DAAM1: variants seen among roughly 807,000 people sequenced by gnomAD.
DAAM1 encodes the protein dishevelled associated activator of morphogenesis 1.
DAAM1 carries 52 observed loss-of-function variants against 130.0 expected under a neutral mutation model. The observed-to-expected ratio is 0.40, with a 90% confidence interval of 0.32 to 0.50. The LOEUF is 0.50. Ranked by LOEUF, DAAM1 falls within the 20% of genes least tolerant of loss-of-function variation. The pLI is 0.61. For synonymous variants in DAAM1, 452 were observed against 444.5 expected (o/e 1.02, Z -0.21); for missense variants, 1,134 against 1,303.8 (o/e 0.87, Z 2.01).
chr14:59,327,906 C>T (rs1885273940), intron 12 of DAAM1, among the ~76,000 whole-genome samples: 1 of 152,196 alleles, frequency 6.6e-6, no homozygotes, highest in Non-Finnish European at 1.5e-5. Context: ...TTATGTCCAT[C>T]AGTGTACCAG....
At chr14:59,324,479 G>C in intron 8 of DAAM1, 25 bp downstream of exon 8, 1 of 1,479,316 alleles carries the variant, frequency 6.8e-7, no homozygotes, top group Non-Finnish European at 9.1e-7. Flanking sequence ...TATGATGTGA[G>C]AAAGTTTCTG....
At chr14:59,338,975 G>C (rs1242936302) in intron 15 of DAAM1, among the ~76,000 whole-genome samples, 1 of 152,174 alleles carries the variant, frequency 6.6e-6, no homozygotes, top group African/African-American at 2.4e-5. Flanking sequence ...AATTTAAACA[G>C]TAGTACAGAC....
intron 1 of DAAM1, among the ~76,000 whole-genome samples, chr14:59,225,995 G>C (rs753088754): frequency 6.6e-6 from 1 of 152,100 alleles, no homozygotes; most frequent in Non-Finnish European, 1.5e-5. Flanking sequence ...GGGCAACTAA[G>C]AACAACTCTA....
intron 15 of DAAM1, among the ~76,000 whole-genome samples, chr14:59,334,519 CAG>C (rs901969875): frequency 6.6e-6 from 1 of 152,152 alleles, no homozygotes; most frequent in African/African-American, 2.4e-5. Context: ...ATACAATTCT[CAG>C]AGAGGCAAAG....
At chr14:59,309,655 A>C (rs768533139) in intron 3 of DAAM1, among the ~76,000 whole-genome samples, 1 of 152,218 alleles carries the variant, frequency 6.6e-6, no homozygotes, top group Non-Finnish European at 1.5e-5. Context: ...GCTACAACAG[A>C]CTGTGTGGTC....
chr14:59,360,704 A>G, intron 21 of DAAM1, 98 bp from the exon 22 acceptor site: 1 of 981,080 alleles, frequency 1.0e-6, no homozygotes, highest in South Asian at 2.1e-5. Flanking sequence ...TTTAAATTAA[A>G]ATAGGATGGA....
intron 1 of DAAM1, among the ~76,000 whole-genome samples, chr14:59,193,825 C>G (rs559623223): frequency 6.6e-6 from 1 of 152,322 alleles, no homozygotes; most frequent in African/African-American, 2.4e-5. Flanking sequence ...TCAGGTGCCA[C>G]AGCTTCCACG....
chr14:59,203,529 A>G (rs1888175047), intron 1 of DAAM1, among the ~76,000 whole-genome samples: 1 of 152,222 alleles, frequency 6.6e-6, no homozygotes, highest in Admixed American at 6.5e-5. Context: ...ATCTTCATGT[A>G]CATCTCATTT....
intron 2 of DAAM1, among the ~76,000 whole-genome samples, chr14:59,284,500 G>C (rs546525279): frequency 6.6e-6 from 1 of 152,236 alleles, no homozygotes; most frequent in African/African-American, 2.4e-5. Context: ...GTCAGATGTA[G>C]AATTTCAGAA....
In DAAM1 at chr14:59,355,173, T is replaced by C. The variant is rs1441080028; in HGVS notation, c.2365T>C (p.Ser789Pro). 1.9e-6 allele frequency: 3 copies of C among 1,608,082 alleles called. No individual in the cohort carries two copies. Among genetic ancestry groups the C allele is most frequent in the East Asian group, 2.2e-5 (1 of 44,818 alleles). ...TGTGTTTTGTTTTGAAGCAATTCGT[T>C]CTGGCTCAGAAGAGGTGTTTAGGAG... is the stretch of plus-strand genomic sequence containing the variant. ...EVKPKVEAIR[S>P]GSEEVFRSGA... The change falls in exon 20 of 25, where the codon TCT becomes CCT. Residue 789 changes from serine to proline, a missense_variant. Physicochemically the swap from Ser to Pro is moderately conservative, Grantham distance 74 (BLOSUM62 -1). Transcript: ENST00000360909.
chr14:59,285,015 C>T (rs11844419), intron 2 of DAAM1, among the ~76,000 whole-genome samples: 15,989 of 152,084 alleles, frequency 0.11, 890 homozygotes, highest in South Asian at 0.2. Flanking sequence ...TCATCAGATT[C>T]TCCAAGGTCA....
At chr14:59,280,030 A>G (rs939254743) in intron 2 of DAAM1, among the ~76,000 whole-genome samples, 2 of 152,174 alleles carry the variant, frequency 1.3e-5, no homozygotes, top group African/African-American at 2.4e-5. Context: ...CTAAAACTGC[A>G]TTGAGATCGT....
intron 1 of DAAM1, among the ~76,000 whole-genome samples, chr14:59,263,221 G>A (rs1882259640): frequency 6.6e-6 from 1 of 152,164 alleles, no homozygotes; most frequent in Non-Finnish European, 1.5e-5. Context: ...TGTCCTGTTT[G>A]CTCAGCAGTT....
intron 1 of DAAM1, among the ~76,000 whole-genome samples, chr14:59,193,384 G>A (rs187890580): frequency 1.1e-4 from 17 of 152,264 alleles, no homozygotes; most frequent in Admixed American, 7.2e-4. Context: ...AGGGACAGAC[G>A]AACATGAGAT....
intron 4 of DAAM1, among the ~76,000 whole-genome samples, chr14:59,317,305 T>C (rs116783446): frequency 6.6e-6 from 1 of 152,226 alleles, no homozygotes; most frequent in Non-Finnish European, 1.5e-5. Flanking sequence ...TCAAAATTCC[T>C]GCATACTTCA....
intron 4 of DAAM1, among the ~76,000 whole-genome samples, chr14:59,320,211 A>G (rs1402311821): frequency 6.6e-6 from 1 of 152,186 alleles, no homozygotes; most frequent in African/African-American, 2.4e-5. Flanking sequence ...GTATTCAACT[A>G]CAGGTTCAGT....
chr14:59,198,530 C>A (rs1245834529), intron 1 of DAAM1, among the ~76,000 whole-genome samples: 1 of 152,068 alleles, frequency 6.6e-6, no homozygotes, highest in Non-Finnish European at 1.5e-5. Context: ...TGCCTGGCCC[C>A]ATTTGCTGAT....
rs773291139 is a variant in DAAM1 at position 59,294,294 on chromosome 14, G to A, written c.273+2988G>A. ...AACAGCGACTTGAGTCCCGGCAGCA[G>A]CTATCTGCTTATCAAGCTCAGTGTT... On this transcript the variant is annotated intron_variant, in intron 3 of 24. Coordinates refer to ENST00000360909, the MANE Select transcript of DAAM1 (RefSeq NM_001270520.2). 5.9e-5 allele frequency among the ~76,000 whole-genome samples: 9 copies of A among 152,238 alleles called. No individual in the cohort carries two copies. In the East Asian group the frequency reaches 1.7e-3, roughly 29 times the overall value.
intron 1 of DAAM1, among the ~76,000 whole-genome samples, chr14:59,199,911 G>C (rs1176829936): frequency 1.3e-5 from 2 of 152,122 alleles, no homozygotes; most frequent in Non-Finnish European, 2.9e-5. Flanking sequence ...ATGTCCCCTG[G>C]GGGCAAAATC....
Sources: gnomAD v4.1 joint callset for allele counts (sites outside exome capture counted in the v4.1 genomes callset) on GRCh38, gnomAD v4.1.1 for gene constraint, MANE v1.5 for transcripts, NCBI Gene and HGNC (gene_info 2026-07-23, HGNC 2026-07-21) for gene names.